CCDC91: variants seen among roughly 807,000 people sequenced by gnomAD.
CCDC91 encodes the protein coiled-coil domain-containing protein 91.
Under a neutral mutation model 63.2 loss-of-function variants are expected in CCDC91, and 48 were observed. That is an observed-to-expected ratio of 0.76 (90% confidence interval 0.60 to 0.97). The LOEUF (loss-of-function observed/expected upper bound fraction) is 0.97, where lower values mean the gene tolerates loss of function less well. Among genes scored for constraint, CCDC91 ranks in the 50% least tolerant of loss-of-function variants. CCDC91 has a pLI of 0.00. For missense variants in CCDC91, 500 were observed against 494.6 expected (o/e 1.01, Z -0.10); for synonymous variants, 167 against 165.8 (o/e 1.01, Z -0.06).
intron 1 of CCDC91, chr12:28,236,436 G>T: frequency 6.6e-6 from 1 of 151,440 alleles, no homozygotes; most frequent in Non-Finnish European, 1.5e-5. Context: ...TAATTTTTTG[G>T]CTTGCATTAT....
intron 3 of CCDC91, among the ~76,000 whole-genome samples, chr12:28,292,739 A>G (rs563796018): frequency 3.3e-5 from 5 of 152,278 alleles, no homozygotes; most frequent in African/African-American, 1.2e-4. Flanking sequence ...GTAGTATATA[A>G]ATTGTCAGGT....
At chr12:28,233,929 C>A (rs756534772) in intron 1 of CCDC91, among the ~76,000 whole-genome samples, 1 of 151,874 alleles carries the variant, frequency 6.6e-6, no homozygotes, top group Non-Finnish European at 1.5e-5. Context: ...TGTAAAATAC[C>A]GGTAAAATTG....
At chr12:28,471,441 CA>C (rs1287449465) in intron 11 of CCDC91, among the ~76,000 whole-genome samples, 1 of 151,952 alleles carries the variant, frequency 6.6e-6, no homozygotes, top group African/African-American at 2.4e-5. Context: ...AAGGGTAAAC[CA>C]AGAAGAAATA....
chr12:28,299,648 C>A (rs1314616224), intron 3 of CCDC91, among the ~76,000 whole-genome samples: 1 of 151,578 alleles, frequency 6.6e-6, no homozygotes, highest in Non-Finnish European at 1.5e-5. Flanking sequence ...TATTATCTTT[C>A]GACCTCATTC....
At chr12:28,264,585 C>CTGTGTGTGTG (rs34854850) in intron 3 of CCDC91, among the ~76,000 whole-genome samples, 9,654 of 137,154 alleles carry the variant, frequency 0.07, 462 homozygotes, top group South Asian at 0.11. Flanking sequence ...ATATGTCTGT[C>CTGTGTGTGTG]TGTGTGTGTG....
chr12:28,351,080 C>T (rs1943151884), intron 6 of CCDC91, among the ~76,000 whole-genome samples: 1 of 152,124 alleles, frequency 6.6e-6, no homozygotes, highest in Non-Finnish European at 1.5e-5. Flanking sequence ...TTGACTGAGT[C>T]CTAATGTTCC....
chr12:28,252,391 A>G (rs1478742674), intron 1 of CCDC91, among the ~76,000 whole-genome samples: 2 of 151,862 alleles, frequency 1.3e-5, no homozygotes, highest in East Asian at 1.9e-4. Flanking sequence ...TTGAACTCCT[A>G]GAGTCCTAAT....
chr12:28,464,571 A>G (rs1950463014), intron 11 of CCDC91, among the ~76,000 whole-genome samples: 1 of 152,182 alleles, frequency 6.6e-6, no homozygotes, highest in Non-Finnish European at 1.5e-5. Flanking sequence ...CCTGGGCGAC[A>G]TTTCTAGACA....
At chr12:28,332,816 G>T (rs1941617545) in intron 6 of CCDC91, among the ~76,000 whole-genome samples, 1 of 151,726 alleles carries the variant, frequency 6.6e-6, no homozygotes, top group Non-Finnish European at 1.5e-5. Context: ...CAACAGCGCT[G>T]TAACTCATGC....
chr12:28,501,461 T>C (rs1937856979), intron 12 of CCDC91, among the ~76,000 whole-genome samples: 1 of 152,066 alleles, frequency 6.6e-6, no homozygotes, highest in Non-Finnish European at 1.5e-5. Flanking sequence ...TCTATTGACA[T>C]AATCATGTGG....
At chr12:28,240,902 C>A (rs568868076) in intron 1 of CCDC91, among the ~76,000 whole-genome samples, 2 of 152,134 alleles carry the variant, frequency 1.3e-5, no homozygotes, top group East Asian at 3.9e-4. Flanking sequence ...AATTGCTTGC[C>A]CTTATAGGAG....
At chr12:28,391,174 A>G (rs1945916463) in intron 7 of CCDC91, 130 bp from the exon 8 acceptor site, 3 of 535,372 alleles carry the variant, frequency 5.6e-6, no homozygotes, top group African/African-American at 2.0e-5. Context: ...TTCAGTATTA[A>G]CAAATACATA....
At position 28,523,705 on chromosome 12, in the gene CCDC91, T is replaced by A. The variant is rs1592950377; in HGVS notation, c.1216-25358T>A. Among the ~76,000 whole-genome samples the A allele has an allele frequency of 2.0e-5, 3 of 152,228 alleles. No homozygotes were observed. The East Asian group carries it at 5.8e-4, about 29-fold the overall frequency. ...TACAATTTGGCATGTATTTTCAGTG[T>A]CTGGTAGTGGTTGTTCCTTTCCAGG... On this transcript the variant is annotated intron_variant, in intron 12 of 12. Coordinates refer to ENST00000536442, the MANE Select transcript of CCDC91 (RefSeq NM_018318.5).
intron 1 of CCDC91, among the ~76,000 whole-genome samples, chr12:28,208,893 C>T (rs1364960081): frequency 4.6e-5 from 7 of 152,066 alleles, no homozygotes; most frequent in African/African-American, 9.7e-5. Flanking sequence ...CTCTGCCTCC[C>T]GGGTTCACGC....
At chr12:28,415,468 C>T (rs1403527144) in intron 8 of CCDC91, among the ~76,000 whole-genome samples, 1 of 152,126 alleles carries the variant, frequency 6.6e-6, no homozygotes, top group East Asian at 1.9e-4. Flanking sequence ...GATCCGCCTG[C>T]CTCAGCCTCC....
At chr12:28,485,889 A>G (rs573744710) in intron 12 of CCDC91, among the ~76,000 whole-genome samples, 52 of 152,302 alleles carry the variant, frequency 3.4e-4, no homozygotes, top group African/African-American at 1.3e-3. Context: ...CAGGGATTGC[A>G]ATTGTGAAAG....
intron 8 of CCDC91, among the ~76,000 whole-genome samples, chr12:28,423,208 T>G (rs1297774654): frequency 6.6e-6 from 1 of 152,124 alleles, no homozygotes; most frequent in East Asian, 1.9e-4. Context: ...TACCCTAGAC[T>G]ACAAATAGAG....
At chr12:28,547,402 T>C (rs1458918333) in intron 12 of CCDC91, among the ~76,000 whole-genome samples, 1 of 152,140 alleles carries the variant, frequency 6.6e-6, no homozygotes, top group Non-Finnish European at 1.5e-5. Flanking sequence ...TTCCAGTAGA[T>C]TGCCTTGTTT....
At chr12:28,268,009 A>G (rs1182635241) in intron 3 of CCDC91, among the ~76,000 whole-genome samples, 1 of 127,296 alleles carries the variant, frequency 7.9e-6, no homozygotes, top group Non-Finnish European at 1.6e-5. Context: ...ACTTAATTAT[A>G]TGATTAATAA....
Sources: gnomAD v4.1 joint callset for allele counts (sites outside exome capture counted in the v4.1 genomes callset) on GRCh38, gnomAD v4.1.1 for gene constraint, MANE v1.5 for transcripts, NCBI Gene and HGNC (gene_info 2026-07-23, HGNC 2026-07-21) for gene names.